The following STARD13 variants were observed in gnomAD, a reference collection of about 807,000 sequenced individuals.
STARD13 encodes stAR-related lipid transfer protein 13.
In STARD13, 62 loss-of-function variants were observed where a neutral mutation model predicts 106.4. That is an observed-to-expected ratio of 0.58 (90% CI 0.48 to 0.72). STARD13 has a LOEUF of 0.72. Ranked by LOEUF, STARD13 falls within the 30% of genes least tolerant of loss-of-function variation. STARD13 has a pLI of 0.00. For missense variants in STARD13, 1,387 were observed against 1,424.0 expected, an observed-to-expected ratio of 0.97 and a Z score of 0.42; for synonymous variants, 565 against 553.0, an observed-to-expected ratio of 1.02 and a Z score of -0.31.
chr13:33,185,815 T>A lies in STARD13; in HGVS notation c.170-18193A>T, dbSNP rs184966568. ...CACTGCCACTGAGGCCATGCAAGGCTAAGTAACAAGTTCACAAAGGTCTAT... is the reference window on the plus strand; with the variant it reads ...CACTGCCACTGAGGCCATGCAAGGCAAAGTAACAAGTTCACAAAGGTCTAT... On this transcript the variant is annotated intron_variant, in intron 1 of 13. Transcript: ENST00000336934. The A allele has an allele frequency of 3.2e-6, 5 of 1,558,806 alleles. No individual in the cohort carries two copies. The African/African-American group carries it at 6.8e-5, about 21-fold the overall frequency.
At chr13:33,298,129 T>G (rs1376760593) in intron 1 of STARD13, among the ~76,000 whole-genome samples, 1 of 123,530 alleles carries the variant, frequency 8.1e-6, no homozygotes. Flanking sequence ...CAGTTTTTTT[T>G]TTTTTTTTTT....
the STARD13 span, among the ~76,000 whole-genome samples, chr13:33,635,383 G>A: frequency 6.6e-6 from 1 of 152,240 alleles, no homozygotes; most frequent in Admixed American, 6.5e-5. Flanking sequence ...TAGCAGGCCG[G>A]TTGTGGTGGC....
At chr13:33,348,146 G>A (rs2078036144), downstream of STARD13, among the ~76,000 whole-genome samples, 1 of 152,238 alleles carries the variant, frequency 6.6e-6, no homozygotes, top group Non-Finnish European at 1.5e-5. Context: ...AGCAGATTAT[G>A]GGTAAGCAGA....
chr13:33,270,504 T>G (rs1891104969), intron 1 of STARD13, among the ~76,000 whole-genome samples: 1 of 152,172 alleles, frequency 6.6e-6, no homozygotes. Context: ...TGATTACTTT[T>G]TCCTCAATTA....
At chr13:33,296,059 TA>T (rs879932732) in intron 1 of STARD13, among the ~76,000 whole-genome samples, 239 of 139,624 alleles carry the variant, frequency 1.7e-3, no homozygotes, top group Admixed American at 1.6e-3. Context: ...CGTCTCTACT[TA>T]AAAAAAAAAA....
chr13:33,597,429 C>A, the STARD13 span, among the ~76,000 whole-genome samples: 1 of 151,628 alleles, frequency 6.6e-6, no homozygotes, highest in Non-Finnish European at 1.5e-5. Flanking sequence ...TATTACTAAT[C>A]ATTACTCTAA....
chr13:33,495,618 A>G, the STARD13 span, among the ~76,000 whole-genome samples: 1 of 151,956 alleles, frequency 6.6e-6, no homozygotes, highest in South Asian at 2.1e-4. Flanking sequence ...CTTGCCATGT[A>G]TATATTTTCT....
At chr13:33,528,632 C>A in the STARD13 span, among the ~76,000 whole-genome samples, 1 of 152,024 alleles carries the variant, frequency 6.6e-6, no homozygotes, top group Non-Finnish European at 1.5e-5. Context: ...CTCAGATCTT[C>A]CTATAACAGA....
chr13:33,131,385 C>T (rs546366396), intron 4 of STARD13, among the ~76,000 whole-genome samples: 103 of 152,100 alleles, frequency 6.8e-4, no homozygotes, highest in Non-Finnish European at 1.3e-3. Context: ...TCTCCAGCAT[C>T]TTCCCCATCT....
chr13:33,304,227 G>A (rs1029112763), intron 1 of STARD13, among the ~76,000 whole-genome samples: 60 of 152,084 alleles, frequency 3.9e-4, no homozygotes, highest in African/African-American at 1.4e-3. Flanking sequence ...TTTAGGAATT[G>A]CTTTGATGGT....
the STARD13 span, among the ~76,000 whole-genome samples, chr13:33,576,714 C>G: frequency 6.6e-6 from 1 of 151,964 alleles, no homozygotes; most frequent in Admixed American, 6.6e-5. Context: ...GTTTTTTCAC[C>G]AAAGATAGGT....
chr13:33,300,277 A>G (rs1892660533), intron 1 of STARD13, among the ~76,000 whole-genome samples: 1 of 152,178 alleles, frequency 6.6e-6, no homozygotes, highest in Non-Finnish European at 1.5e-5. Flanking sequence ...TCTCCTTCCC[A>G]TCACTTCATC....
chr13:33,311,227 G>A (rs1040544473), intron 1 of STARD13, among the ~76,000 whole-genome samples: 1 of 151,934 alleles, frequency 6.6e-6, no homozygotes, highest in Admixed American at 6.6e-5. Flanking sequence ...AGCCAGAGAG[G>A]TCAAGGCTGC....
the STARD13 span, among the ~76,000 whole-genome samples, chr13:33,510,643 C>CTTTTTA: frequency 5.9e-5 from 9 of 152,198 alleles, no homozygotes; most frequent in East Asian, 1.7e-3. Context: ...GAAAAATTGA[C>CTTTTTA]TTTTTATTTT....
intron 2 of STARD13, 41 bp downstream of exon 2, chr13:33,167,510 A>G (rs1405465671): frequency 2.5e-6 from 4 of 1,602,886 alleles, no homozygotes; most frequent in Admixed American, 1.7e-5. Context: ...TTCATTTTGG[A>G]TTTATTCTCT....
At chr13:33,603,367 G>T in the STARD13 span, among the ~76,000 whole-genome samples, 4,650 of 152,250 alleles carry the variant, frequency 0.031, 233 homozygotes, top group African/African-American at 0.1. Flanking sequence ...CAAGCAGCAG[G>T]ACCTAAACCA....
chr13:33,554,280 A>G, the STARD13 span, among the ~76,000 whole-genome samples: 1 of 152,160 alleles, frequency 6.6e-6, no homozygotes, highest in Non-Finnish European at 1.5e-5. Flanking sequence ...ATAACTTCTA[A>G]GTGGGATGCA....
At position 33,322,191 on chromosome 13, in the gene STARD13, G is replaced by A. The variant is rs181680528; in HGVS notation, c.124+28099C>T. 5.3e-4 allele frequency among the ~76,000 whole-genome samples: 81 copies of A among 152,174 alleles called. 1 individual carries two copies. Among genetic ancestry groups the A allele is most frequent in the Non-Finnish European group, 8.7e-4 (59 of 68,006 alleles). ...TTATATACTGCAACTACTCACCCTC[G>A]TATCTAATACCTTCAGTTATACAAC... On this transcript the variant is annotated intron_variant, in intron 1 of 5. Transcript: ENST00000567873.
At chr13:33,196,612 G>T (rs1239242967) in intron 1 of STARD13, among the ~76,000 whole-genome samples, 1 of 152,092 alleles carries the variant, frequency 6.6e-6, no homozygotes, top group African/African-American at 2.4e-5. Flanking sequence ...TGCGGCAGCC[G>T]ACATGGACTC....
Sources: gnomAD v4.1 joint callset for allele counts (sites outside exome capture counted in the v4.1 genomes callset) on GRCh38, gnomAD v4.1.1 for gene constraint, MANE v1.5 for transcripts, NCBI Gene and HGNC (gene_info 2026-07-23, HGNC 2026-07-21) for gene names.